The following IMMP2L variants were observed in gnomAD, a reference collection of about 807,000 sequenced individuals.
The protein encoded by IMMP2L is inner mitochondrial membrane peptidase subunit 2.
In IMMP2L, 18 loss-of-function variants were observed where a neutral mutation model predicts 19.3. The observed-to-expected ratio is 0.93, with a 90% confidence interval of 0.64 to 1.38. The LOEUF (loss-of-function observed/expected upper bound fraction) is 1.38. Among genes scored for constraint, IMMP2L ranks in the 40% most tolerant of loss-of-function variants. IMMP2L has a pLI of 0.00. For missense variants in IMMP2L, 233 were observed against 218.2 expected, an observed-to-expected ratio of 1.07 and a Z score of -0.43; for synonymous variants, 76 against 73.0, an observed-to-expected ratio of 1.04 and a Z score of -0.21.
chr7:111,010,298 A>G (rs1475397797), intron 3 of IMMP2L, among the ~76,000 whole-genome samples: 1 of 152,182 alleles, frequency 6.6e-6, no homozygotes, highest in East Asian at 1.9e-4. Flanking sequence ...GAGGTTTTAG[A>G]GAAGTCACAG....
At chr7:111,079,420 T>C (rs889869509) in intron 3 of IMMP2L, among the ~76,000 whole-genome samples, 1 of 152,088 alleles carries the variant, frequency 6.6e-6, no homozygotes, top group Non-Finnish European at 1.5e-5. Context: ...CCCGGCCTAA[T>C]TTTTTTCTAA....
At chr7:111,067,469 C>T (rs1794609501) in intron 3 of IMMP2L, among the ~76,000 whole-genome samples, 1 of 152,198 alleles carries the variant, frequency 6.6e-6, no homozygotes, top group Non-Finnish European at 1.5e-5. Flanking sequence ...TACGAATGTG[C>T]TTCTCCCCCA....
intron 2 of IMMP2L, among the ~76,000 whole-genome samples, chr7:111,517,893 T>G (rs957286797): frequency 6.6e-6 from 1 of 152,084 alleles, no homozygotes. Context: ...AACCAACAAT[T>G]TGTGCCAGCA....
chr7:111,533,934 T>C (rs1317781513), intron 1 of IMMP2L, among the ~76,000 whole-genome samples: 1 of 151,908 alleles, frequency 6.6e-6, no homozygotes, highest in African/African-American at 2.4e-5. Flanking sequence ...TATCAGTATC[T>C]CTAAAATTAC....
chr7:111,065,276 A>T (rs2129574824), intron 3 of IMMP2L, among the ~76,000 whole-genome samples: 1 of 152,318 alleles, frequency 6.6e-6, no homozygotes, highest in South Asian at 2.1e-4. Flanking sequence ...TGCTAACTTT[A>T]TATAATAGCA....
chr7:110,696,557 G>A (rs1793903324), intron 5 of IMMP2L, among the ~76,000 whole-genome samples: 1 of 151,540 alleles, frequency 6.6e-6, no homozygotes, highest in Non-Finnish European at 1.5e-5. Context: ...CTCCTGAGTA[G>A]GTGGGATTAC....
At chr7:110,878,609 CA>C (rs1200004682) in intron 5 of IMMP2L, among the ~76,000 whole-genome samples, 1 of 151,914 alleles carries the variant, frequency 6.6e-6, no homozygotes, top group African/African-American at 2.4e-5. Flanking sequence ...TTTAATCCTT[CA>C]TATCATTCAC....
At chr7:110,802,327 G>T (rs1562985047) in intron 5 of IMMP2L, among the ~76,000 whole-genome samples, 1 of 66,698 alleles carries the variant, frequency 1.5e-5, no homozygotes, top group Non-Finnish European at 2.9e-5. Context: ...GTGTGTATGT[G>T]TGTATGTGTG....
At position 110,816,468 on chromosome 7, in the gene IMMP2L, G is replaced by A. The variant is rs535333158; in HGVS notation, c.408+70125C>T. Among the ~76,000 whole-genome samples the A allele has an allele frequency of 6.3e-3, 960 of 152,050 alleles. 7 individuals carry two copies. Among genetic ancestry groups the A allele is most frequent in the African/African-American group, 0.022 (906 of 41,534 alleles). On this transcript the variant is annotated intron_variant, in intron 5 of 5. Coordinates refer to ENST00000405709, the MANE Select transcript of IMMP2L (RefSeq NM_032549.4). Reference sequence around the variant, plus strand: ...TTGATTTGGGGTGGAGAGTTCTGTAGATGTCTATTAGGTCTGCTTGGTGCA... The same window carrying A: ...TTGATTTGGGGTGGAGAGTTCTGTAAATGTCTATTAGGTCTGCTTGGTGCA...
chr7:111,197,677 T>C (rs977386583), intron 3 of IMMP2L, among the ~76,000 whole-genome samples: 1 of 152,144 alleles, frequency 6.6e-6, no homozygotes, highest in African/African-American at 2.4e-5. Context: ...GAAAAACAAC[T>C]ATATTTTAAA....
At chr7:111,042,393 C>G (rs990946431) in intron 3 of IMMP2L, among the ~76,000 whole-genome samples, 34 of 152,164 alleles carry the variant, frequency 2.2e-4, no homozygotes, top group African/African-American at 7.2e-4. Context: ...TTTGGCCAGA[C>G]TGGTCTCAAA....
At chr7:111,239,806 T>A (rs1003679144) in intron 3 of IMMP2L, among the ~76,000 whole-genome samples, 5 of 151,956 alleles carry the variant, frequency 3.3e-5, no homozygotes, top group Admixed American at 2.0e-4. Flanking sequence ...TTCAATAGAC[T>A]ATTTAATCTG....
intron 5 of IMMP2L, among the ~76,000 whole-genome samples, chr7:110,881,762 T>C (rs1809663635): frequency 6.6e-6 from 1 of 152,222 alleles, no homozygotes; most frequent in Non-Finnish European, 1.5e-5. Context: ...TATTCTGTAT[T>C]GTACAGGCAG....
chr7:111,472,279 G>T (rs1208641694), intron 3 of IMMP2L, among the ~76,000 whole-genome samples: 1 of 151,904 alleles, frequency 6.6e-6, no homozygotes, highest in Non-Finnish European at 1.5e-5. Flanking sequence ...TTAAAAAAAA[G>T]TTCTAAGAAA....
At chr7:110,992,018 C>G (rs1221613435) in intron 3 of IMMP2L, among the ~76,000 whole-genome samples, 3 of 152,134 alleles carry the variant, frequency 2.0e-5, no homozygotes, top group Non-Finnish European at 4.4e-5. Flanking sequence ...AAAGAAACTG[C>G]TTGTACCTGA....
chr7:111,383,375 G>A (rs1831392821), intron 3 of IMMP2L, among the ~76,000 whole-genome samples: 1 of 152,114 alleles, frequency 6.6e-6, no homozygotes, highest in Admixed American at 6.6e-5. Context: ...CCTCCAGGCT[G>A]AGTGGTCATA....
rs1326436015 is a variant in IMMP2L at position 110,790,434 on chromosome 7, G to T, written c.408+96159C>A. The stretch of plus-strand genomic sequence containing the variant: ...GTCTATATGAAGAGCAAGAGAGGAA[G>T]AAGCATCAAGGGGACCAGTCCAGAG... On this transcript the variant is annotated intron_variant, in intron 5 of 5. Transcript: ENST00000405709. 1.3e-5 allele frequency among the ~76,000 whole-genome samples: 2 copies of T among 151,798 alleles called. 1 individual carries two copies. The highest frequency in any genetic ancestry group is 4.9e-5 in the African/African-American group (2 of 41,136).
chr7:110,845,588 C>T (rs1332617482), intron 5 of IMMP2L, among the ~76,000 whole-genome samples: 1 of 152,150 alleles, frequency 6.6e-6, no homozygotes, highest in African/African-American at 2.4e-5. Context: ...CTTTACTAAA[C>T]TTATTTCCAA....
At chr7:111,089,080 T>G (rs1333605108) in intron 3 of IMMP2L, among the ~76,000 whole-genome samples, 1 of 152,156 alleles carries the variant, frequency 6.6e-6, no homozygotes, top group Non-Finnish European at 1.5e-5. Flanking sequence ...GATCTCCCAC[T>G]TTCAAAAGAG....
Sources: allele counts gnomAD v4.1 joint callset (sites outside exome capture counted in the v4.1 genomes callset), GRCh38; gene constraint gnomAD v4.1.1; transcripts MANE v1.5; gene names NCBI Gene and HGNC (gene_info 2026-07-23, HGNC 2026-07-21).